The following TEAD1 variants were observed in gnomAD, a reference collection of about 807,000 sequenced individuals.
TEAD1 encodes the protein transcriptional enhancer factor TEF-1.
Under a neutral mutation model 54.9 loss-of-function variants are expected in TEAD1, and 9 were observed. The observed-to-expected ratio is 0.16, with a 90% CI of 0.10 to 0.29. TEAD1 has a LOEUF of 0.29. Among genes scored for constraint, TEAD1 ranks in the 10% least tolerant of loss-of-function variants. The pLI is 1.00. For missense variants in TEAD1, 387 were observed against 535.9 expected (o/e 0.72, Z 2.74); for synonymous variants, 200 against 187.8 (o/e 1.07, Z -0.53).
chr11:12,784,812 G>C (rs1945643193), intron 3 of TEAD1, among the ~76,000 whole-genome samples: 1 of 152,204 alleles, frequency 6.6e-6, no homozygotes, highest in African/African-American at 2.4e-5. Flanking sequence ...CTTCTTCCCA[G>C]CCTCCCTGGG....
Position 12,889,016 on chromosome 11 carries a change from TGGA to T in TEAD1, c.699+5896_699+5898del, listed in dbSNP as rs1948146474. Among the ~76,000 whole-genome samples, 4 of 152,194 alleles carry T rather than the reference TGGA, an allele frequency of 2.6e-5. No individual in the cohort carries two copies. The South Asian group carries it at 6.2e-4, about 24-fold the overall frequency. On this transcript the variant is annotated intron_variant, in intron 9 of 12. Transcript: ENST00000527636. The stretch of plus-strand genomic sequence containing the variant: ...TCCCCAAGTTGGTGGTGGTTTATGT[TGGA>T]GGAGAACCAGCGAGTCAGTCCCTCT...
intron 3 of TEAD1, among the ~76,000 whole-genome samples, chr11:12,788,996 T>G (rs886313505): frequency 6.6e-6 from 1 of 152,134 alleles, no homozygotes; most frequent in Non-Finnish European, 1.5e-5. Context: ...GTGATCTTCC[T>G]GCCTTGGCCT....
At chr11:12,823,854 G>A (rs915190054) in intron 3 of TEAD1, among the ~76,000 whole-genome samples, 1 of 152,156 alleles carries the variant, frequency 6.6e-6, no homozygotes, top group African/African-American at 2.4e-5. Context: ...GTTGTTGAGG[G>A]ATACAGTGGG....
chr11:12,798,240 C>T (rs1197196882), intron 3 of TEAD1, among the ~76,000 whole-genome samples: 18 of 152,160 alleles, frequency 1.2e-4, no homozygotes. Flanking sequence ...CTGTGCTTTT[C>T]CTGTCTTTGG....
At chr11:12,827,676 G>A (rs1946684248) in intron 3 of TEAD1, among the ~76,000 whole-genome samples, 1 of 152,164 alleles carries the variant, frequency 6.6e-6, no homozygotes, top group African/African-American at 2.4e-5. Flanking sequence ...TGGTTTTTCA[G>A]TGGGTTTTTG....
At chr11:12,696,164 G>A (rs905545016) in intron 2 of TEAD1, among the ~76,000 whole-genome samples, 3 of 152,146 alleles carry the variant, frequency 2.0e-5, no homozygotes, top group East Asian at 1.9e-4. Flanking sequence ...AACAAAGGTC[G>A]GAGTTCATTC....
At chr11:12,864,647 G>GTTTTGTTTTGTTTTT in intron 4 of TEAD1, 191 bp from the exon 5 acceptor site, 1 of 1,366,320 alleles carries the variant, frequency 7.3e-7, no homozygotes, top group South Asian at 1.5e-5. Context: ...GTTTTGTTTT[G>GTTTTGTTTTGTTTTT]TTTTGTTTTG....
chr11:12,915,196 T>C (rs566620581), intron 10 of TEAD1, among the ~76,000 whole-genome samples: 2 of 152,212 alleles, frequency 1.3e-5, no homozygotes, highest in African/African-American at 4.8e-5. Context: ...CCTTAGAGGT[T>C]ATCTGCTTGC....
At chr11:12,895,899 G>C (rs552288082) in intron 9 of TEAD1, among the ~76,000 whole-genome samples, 3 of 151,920 alleles carry the variant, frequency 2.0e-5, no homozygotes, top group Admixed American at 2.0e-4. Flanking sequence ...TAACATAGAA[G>C]ACTACGATTT....
chr11:12,905,551 C>T (rs1318057351), intron 10 of TEAD1, among the ~76,000 whole-genome samples: 1 of 152,182 alleles, frequency 6.6e-6, no homozygotes. Flanking sequence ...TTTGAAATGT[C>T]ATTGGCTTCC....
chr11:12,851,350 T>C (rs1004782775), intron 3 of TEAD1, among the ~76,000 whole-genome samples: 2 of 151,698 alleles, frequency 1.3e-5, no homozygotes, highest in African/African-American at 4.9e-5. Flanking sequence ...CTAGACACTT[T>C]TAGGAGGATT....
intron 5 of TEAD1, among the ~76,000 whole-genome samples, chr11:12,865,807 A>C (rs781562432): frequency 5.3e-5 from 8 of 152,104 alleles, no homozygotes; most frequent in Non-Finnish European, 8.8e-5. Flanking sequence ...TGCAAGGAGG[A>C]GCTTTCGTTT....
chr11:12,921,494 C>T (rs971971811), intron 10 of TEAD1, among the ~76,000 whole-genome samples: 3 of 147,964 alleles, frequency 2.0e-5, no homozygotes, highest in South Asian at 2.1e-4. Flanking sequence ...GAGCCAAGAT[C>T]GTGCCATTGC....
intron 3 of TEAD1, among the ~76,000 whole-genome samples, chr11:12,820,049 T>TTGGGGGGGGGGGGGGG (rs1946508124): frequency 8.1e-5 from 2 of 24,622 alleles, no homozygotes; most frequent in Admixed American, 4.3e-4. Flanking sequence ...GGAGGGAGGG[T>TTGGGGGGGGGGGGGGG]GGGAAGGTGA....
chr11:12,868,645 C>A (rs1416333519), intron 5 of TEAD1, among the ~76,000 whole-genome samples: 2 of 152,100 alleles, frequency 1.3e-5, no homozygotes, highest in Non-Finnish European at 2.9e-5. Flanking sequence ...ATTGTGTAGA[C>A]TTAAATTTTA....
intron 2 of TEAD1, among the ~76,000 whole-genome samples, chr11:12,751,577 T>TC (rs746270590): frequency 1.1e-4 from 16 of 152,138 alleles, no homozygotes; most frequent in African/African-American, 1.7e-4. Context: ...TATCTTTATC[T>TC]CCATATCCAG....
At chr11:12,691,561 T>C (rs535459775) in intron 2 of TEAD1, among the ~76,000 whole-genome samples, 49 of 152,344 alleles carry the variant, frequency 3.2e-4, no homozygotes, top group African/African-American at 1.1e-3. Flanking sequence ...TCTTTGGCTC[T>C]CATTTGCCAC....
chr11:12,927,696 A>G (rs570870841), intron 11 of TEAD1, among the ~76,000 whole-genome samples: 1 of 152,170 alleles, frequency 6.6e-6, no homozygotes, highest in African/African-American at 2.4e-5. Context: ...CATTTTATGT[A>G]TTTCAATAAG....
At chr11:12,702,271 A>G (rs952113385) in intron 2 of TEAD1, among the ~76,000 whole-genome samples, 1 of 152,140 alleles carries the variant, frequency 6.6e-6, no homozygotes, top group African/African-American at 2.4e-5. Context: ...GGTGCAGGGT[A>G]AGAATGTTGG....
Sources: allele counts gnomAD v4.1 joint callset (sites outside exome capture counted in the v4.1 genomes callset), GRCh38; gene constraint gnomAD v4.1.1; transcripts MANE v1.5; gene names NCBI Gene and HGNC (gene_info 2026-07-23, HGNC 2026-07-21).